Variants in HBP1 observed in about 807,000 individuals in gnomAD.
The protein encoded by HBP1 is HMG box-containing protein 1.
Under a neutral mutation model 62.6 loss-of-function variants are expected in HBP1, and 20 were observed. That is an observed-to-expected ratio of 0.32 (90% CI 0.22 to 0.46). The LOEUF (loss-of-function observed/expected upper bound fraction) is 0.46, where lower values mean the gene tolerates loss of function less well. HBP1 is among the 20% of genes least tolerant of loss of function. The probability of loss-of-function intolerance (pLI) is 1.00; values close to 1 mark genes in which losing one functional copy is unlikely to be tolerated. For synonymous variants in HBP1, 232 were observed against 206.2 expected (o/e 1.12, Z -1.07); for missense variants, 480 against 611.8 (o/e 0.78, Z 2.27).
chr7:107,174,940 GT>G (rs796893857), intron 1 of HBP1, among the ~76,000 whole-genome samples: 1 of 152,050 alleles, frequency 6.6e-6, no homozygotes, highest in Non-Finnish European at 1.5e-5. Flanking sequence ...AATATTAGGT[GT>G]TTAAAGAACT....
chr7:107,195,131 C>T (rs1248341141), intron 8 of HBP1, among the ~76,000 whole-genome samples: 1 of 152,206 alleles, frequency 6.6e-6, no homozygotes, highest in Non-Finnish European at 1.5e-5. Flanking sequence ...AAGCGATTCT[C>T]CTGCCTCAGT....
intron 8 of HBP1, among the ~76,000 whole-genome samples, chr7:107,190,524 A>G (rs1404811323): frequency 6.6e-6 from 1 of 152,240 alleles, no homozygotes; most frequent in African/African-American, 2.4e-5. Flanking sequence ...TAGTTGTCAT[A>G]TAGGAAAATT....
rs538871064 is a variant in HBP1 at position 107,176,005 on chromosome 7, C to T, written c.-15-3874C>T. On this transcript the variant is annotated intron_variant, in intron 1 of 10. Coordinates refer to ENST00000222574, the MANE Select transcript of HBP1 (RefSeq NM_012257.4). ...TGCTGGGATTACAGGCGTGAGCCAC[C>T]GCACCCGGCTTTTTTTCTTTTTTCA... Among the ~76,000 whole-genome samples the T allele has an allele frequency of 5.6e-4, 80 of 142,884 alleles. 1 individual carries two copies. The highest frequency in any genetic ancestry group is 1.3e-3 in the Admixed American group (19 of 14,338). 93.7% of individuals were successfully genotyped at this position (142,884 alleles called of 152,430 possible).
chr7:107,201,150 G>A (rs1414908050), intron 10 of HBP1: 1 of 333,122 alleles, frequency 3.0e-6, no homozygotes, highest in African/African-American at 2.1e-5. Flanking sequence ...CTGAATTTTG[G>A]CAGTTCTTGG....
rs1797387857 is a variant in HBP1 at position 107,186,636 on chromosome 7, T to C, written c.720T>C (p.Ala240=). The change falls in exon 6 of 11, where the codon GCT becomes GCC. Residue 240 remains alanine, a synonymous_variant. Coordinates refer to ENST00000222574, the MANE Select transcript of HBP1 (RefSeq NM_012257.4). The stretch of plus-strand genomic sequence containing the variant: ...AAGATGTTGAAGATTTTGCTAGAGC[T>C]GAAGGCTGTGATAATGAGGAAGATC... ...EWQDVEDFAR[A]EGCDNEEDLQ... is the part of the protein sequence containing the mutation. The C allele has an allele frequency of 1.2e-6, 2 of 1,612,722 alleles. No individual in the cohort carries two copies. Among genetic ancestry groups the C allele is most frequent in the African/African-American group, 1.3e-5 (1 of 74,912 alleles).
chr7:107,176,813 A>G (rs1796873786), intron 1 of HBP1, among the ~76,000 whole-genome samples: 1 of 151,624 alleles, frequency 6.6e-6, no homozygotes. Flanking sequence ...TGTGGGGGAA[A>G]TTGTTATATC....
intron 2 of HBP1, among the ~76,000 whole-genome samples, chr7:107,181,979 T>G (rs765026761): frequency 1.3e-5 from 2 of 151,846 alleles, no homozygotes; most frequent in Non-Finnish European, 2.9e-5. Context: ...TAACACAGAG[T>G]TGTGTAAGTA....
intron 4 of HBP1, among the ~76,000 whole-genome samples, chr7:107,186,156 C>CTT (rs946488645): frequency 0.061 from 7,566 of 124,526 alleles, 416 homozygotes; most frequent in Non-Finnish European, 0.092. Context: ...TCTTTTTTTT[C>CTT]TTTTTTTTTC....
chr7:107,189,546 G>A, intron 7 of HBP1, 98 bp downstream of exon 7: 3 of 867,514 alleles, frequency 3.5e-6, no homozygotes, highest in East Asian at 2.6e-5. Flanking sequence ...AAAATTTGAG[G>A]GGAAAACGTC....
intron 4 of HBP1, among the ~76,000 whole-genome samples, 173 bp from the exon 5 acceptor site, chr7:107,186,188 A>T (rs1797366987): frequency 1.4e-5 from 2 of 139,492 alleles, no homozygotes; most frequent in Admixed American, 7.4e-5. Context: ...TTTTTAGCAA[A>T]TTCTCCCACA....
At chr7:107,182,649 A>G (rs1797166019) in intron 3 of HBP1, 48 bp downstream of exon 3, 1 of 1,026,136 alleles carries the variant, frequency 9.7e-7, no homozygotes, top group East Asian at 2.6e-5. Flanking sequence ...TCATTACACA[A>G]AGGTTTTATT....
chr7:107,186,156 CTTTTTTTTT>C (rs1389526766), intron 4 of HBP1, among the ~76,000 whole-genome samples, 196 bp from the exon 5 acceptor site: 28 of 127,274 alleles, frequency 2.2e-4, no homozygotes, highest in African/African-American at 8.0e-4. Context: ...TCTTTTTTTT[CTTTTTTTTT>C]CTTTTTTTTT....
chr7:107,201,395 T>C lies in HBP1; in HGVS notation c.1528-19T>C. 6.5e-7 allele frequency: 1 copy of C among 1,533,564 alleles called. No individual in the cohort carries two copies. Among genetic ancestry groups the C allele is most frequent in the Non-Finnish European group, 9.0e-7 (1 of 1,108,672 alleles). 95.0% of individuals were successfully genotyped at this position (1,533,564 alleles called of 1,614,324 possible). On this transcript the variant is annotated intron_variant, in intron 10 of 10. Transcript: ENST00000222574. The stretch of plus-strand genomic sequence containing the variant: ...TATTGATTTGTAAACATTCACTGAG[T>C]TTAATTTTATTTCCACAGGGCTCAC...
chr7:107,170,001 C>T lies in HBP1; in HGVS notation c.-16+816C>T, dbSNP rs986215744. 12 of 985,332 alleles carry T rather than the reference C, an allele frequency of 1.2e-5. No individual in the cohort carries two copies. The African/African-American group carries it at 1.6e-4, about 13-fold the overall frequency. 61.0% of individuals were successfully genotyped at this position (985,332 alleles called of 1,614,324 possible). A position where few individuals can be genotyped will look rare whatever the true frequency, so the allele number is the denominator to read the frequency against. On this transcript the variant is annotated intron_variant, in intron 1 of 10. Coordinates refer to ENST00000222574, the MANE Select transcript of HBP1 (RefSeq NM_012257.4). The stretch of plus-strand genomic sequence containing the variant: ...AAACAAACCAGGCGAAGTGGACAGC[C>T]AGGTTTTTGTAGCTTTAAATGCTGC...
rs776579356 is a variant in HBP1, at chr7:107,185,865, G to C, written c.463G>C (p.Val155Leu). ...SLHSYARPPP[V>L]SSSSKSEPAF... ...ACATTCCTATGCACGCCCTCCACCA[G>C]TGTCCTCTTCTTCGAAGAGTGAACC... Residue 155 changes from valine (V) to leucine (L), a missense_variant, in exon 4 of 11, where the codon GTG (valine) becomes CTG (leucine). By Grantham distance (32) the Val-to-Leu change is conservative (BLOSUM62 1). Coordinates refer to ENST00000222574, the MANE Select transcript of HBP1 (RefSeq NM_012257.4). The C allele has an allele frequency of 1.9e-6, 3 of 1,612,606 alleles. No individual in the cohort carries two copies. The highest frequency in any genetic ancestry group is 2.5e-6 in the Non-Finnish European group (3 of 1,178,614).
At chr7:107,173,922 A>G (rs1472849909) in intron 1 of HBP1, among the ~76,000 whole-genome samples, 2 of 152,238 alleles carry the variant, frequency 1.3e-5, no homozygotes, top group Non-Finnish European at 2.9e-5. Context: ...CTCTACCAGG[A>G]GATATTTGAA....
intron 8 of HBP1, among the ~76,000 whole-genome samples, chr7:107,193,504 G>T (rs1406185081): frequency 1.3e-5 from 2 of 152,080 alleles, no homozygotes; most frequent in Admixed American, 6.6e-5. Flanking sequence ...TATGTTTATT[G>T]TTCTTTTTGG....
intron 1 of HBP1, among the ~76,000 whole-genome samples, chr7:107,171,043 AT>A: frequency 9.9e-6 from 1 of 101,018 alleles, no homozygotes; most frequent in South Asian, 2.8e-4. Flanking sequence ...ATATACATGT[AT>A]AAATATATAT....
chr7:107,172,925 C>G (rs896388782), intron 1 of HBP1, among the ~76,000 whole-genome samples: 1 of 151,958 alleles, frequency 6.6e-6, no homozygotes, highest in Non-Finnish European at 1.5e-5. Flanking sequence ...AAAACAGGTC[C>G]AAATAAGAAA....
Sources: allele counts gnomAD v4.1 joint callset (sites outside exome capture counted in the v4.1 genomes callset), GRCh38; gene constraint gnomAD v4.1.1; transcripts MANE v1.5; gene names NCBI Gene and HGNC (gene_info 2026-07-23, HGNC 2026-07-21).